Variants in ABCA10 observed in about 807,000 individuals in gnomAD.
ABCA10 encodes ATP-binding cassette sub-family A member 10.
A neutral mutation model predicts 187.5 loss-of-function variants in ABCA10; 169 were observed. The ratio of observed to expected loss-of-function variants is 0.90; its 90% CI spans 0.80 to 1.02. The LOEUF is 1.02. Ranked by LOEUF, ABCA10 falls within the 50% of genes least tolerant of loss-of-function variation. The pLI, the probability that ABCA10 is intolerant of heterozygous loss-of-function variation, is 0.00. For synonymous variants in ABCA10, 574 were observed against 601.8 expected (o/e 0.95, Z 0.68); for missense variants, 1,727 against 1,812.4 (o/e 0.95, Z 0.86).
At chr17:69,149,312 C>G (rs2074110836) in intron 37 of ABCA10, 1 of 517,312 alleles carries the variant, frequency 1.9e-6, no homozygotes, top group Non-Finnish European at 3.4e-6. Flanking sequence ...CTCCTTGTGT[C>G]CTATTTTAGT....
intron 10 of ABCA10, among the ~76,000 whole-genome samples, chr17:69,200,445 A>G (rs1248498769): frequency 6.6e-6 from 1 of 152,226 alleles, no homozygotes; most frequent in Non-Finnish European, 1.5e-5. Context: ...AGATAACTTC[A>G]CACAAATAGA....
chr17:69,179,794 T>C (rs1211703594), intron 22 of ABCA10, among the ~76,000 whole-genome samples: 2 of 152,172 alleles, frequency 1.3e-5, no homozygotes, highest in Non-Finnish European at 2.9e-5. Context: ...AAACCCCAAA[T>C]ACCATCTTTC....
intron 21 of ABCA10, 110 bp downstream of exon 21, chr17:69,182,565 T>C: frequency 1.5e-6 from 2 of 1,328,736 alleles, no homozygotes; most frequent in Non-Finnish European, 2.0e-6. Flanking sequence ...TCCTCTAATA[T>C]GATGCCAATT....
chr17:69,156,615 C>T (rs1329119821), intron 28 of ABCA10, among the ~76,000 whole-genome samples: 1 of 151,950 alleles, frequency 6.6e-6, no homozygotes, highest in Non-Finnish European at 1.5e-5. Flanking sequence ...AGCAATATAG[C>T]AAGATCCTGT....
chr17:69,154,147 T>A (rs1278294081), intron 31 of ABCA10, 88 bp downstream of exon 31: 1 of 1,445,606 alleles, frequency 6.9e-7, no homozygotes, highest in African/African-American at 1.5e-5. Context: ...TTTCATCTAT[T>A]TTTTAAAAAG....
At position 69,153,852 on chromosome 17, in the gene ABCA10, T is replaced by G. The variant is rs2074150799; in HGVS notation, c.3944A>C (p.Asp1315Ala). The G allele has an allele frequency of 5.6e-6, 9 of 1,613,532 alleles. No individual in the cohort carries two copies. The highest frequency in any genetic ancestry group is 7.6e-6 in the Non-Finnish European group (9 of 1,179,804). Residue 1315 changes from aspartate (D) to alanine (A), a missense_variant, in exon 32 of 39, where the codon GAT (aspartate) becomes GCT (alanine). Transcript: ENST00000690296. ...YAAVKGLGKE[D>A]AALSISRLVE... ...GTACCGTGAAATACTGAGAGCAGCA[T>G]CTTCTTTGCCCAGTCCTTTCACAGC...
intron 20 of ABCA10, among the ~76,000 whole-genome samples, chr17:69,183,155 T>C (rs2074393407): frequency 6.6e-6 from 1 of 152,200 alleles, no homozygotes; most frequent in African/African-American, 2.4e-5. Flanking sequence ...CCCTGTAATA[T>C]TTGTAATTAT....
intron 23 of ABCA10, 33 bp downstream of exon 23, chr17:69,175,373 A>G (rs927128546): frequency 2.0e-5 from 31 of 1,561,540 alleles, no homozygotes; most frequent in Non-Finnish European, 2.4e-5. Context: ...AATAAAATCA[A>G]TCTCAATCTA....
chr17:69,223,646 C>A, intron 3 of ABCA10: 1 of 445,398 alleles, frequency 2.2e-6, no homozygotes, highest in Admixed American at 2.5e-5. Context: ...ACTCCTCATC[C>A]TTCCCAATAT....
chr17:69,208,377 A>T (rs2074607783), intron 9 of ABCA10, among the ~76,000 whole-genome samples: 1 of 144,248 alleles, frequency 6.9e-6, no homozygotes, highest in Non-Finnish European at 1.5e-5. Context: ...AGATCGCGCC[A>T]CTGCACTCCA....
upstream of ABCA10, among the ~76,000 whole-genome samples, chr17:69,232,355 T>C (rs866729479): frequency 6.6e-6 from 1 of 152,090 alleles, no homozygotes; most frequent in South Asian, 2.1e-4. Flanking sequence ...TTTTCTCTAG[T>C]AGTGTTTTGA....
At chr17:69,163,089 G>A (rs986503283) in intron 27 of ABCA10, among the ~76,000 whole-genome samples, 33 of 152,150 alleles carry the variant, frequency 2.2e-4, no homozygotes, top group Middle Eastern at 3.4e-3. Flanking sequence ...CACCCACCTC[G>A]GCTTCCCAAA....
intron 18 of ABCA10, among the ~76,000 whole-genome samples, chr17:69,188,210 T>A (rs2074436489): frequency 6.6e-6 from 1 of 152,098 alleles, no homozygotes; most frequent in African/African-American, 2.4e-5. Context: ...GTAGCTGAGT[T>A]TCCAACAGGC....
chr17:69,185,272 CA>C (rs2074412468), intron 20 of ABCA10, among the ~76,000 whole-genome samples: 1 of 152,052 alleles, frequency 6.6e-6, no homozygotes, highest in Admixed American at 6.6e-5. Context: ...AACCAAACAC[CA>C]CCTGTTTTCC....
intron 9 of ABCA10, among the ~76,000 whole-genome samples, chr17:69,206,536 C>T (rs569469616): frequency 2.0e-5 from 3 of 152,312 alleles, no homozygotes; most frequent in Admixed American, 6.5e-5. Context: ...GCCACCCCTT[C>T]CCAACCTGTC....
chr17:69,210,302 G>A (rs1365279837), intron 9 of ABCA10, among the ~76,000 whole-genome samples: 29 of 146,760 alleles, frequency 2.0e-4, no homozygotes, highest in Non-Finnish European at 2.5e-4. Context: ...CCATTCTCCT[G>A]CCTCAGCCTC....
At chr17:69,164,014 G>T in intron 27 of ABCA10, 60 bp downstream of exon 27, 2 of 1,342,440 alleles carry the variant, frequency 1.5e-6, no homozygotes, top group Non-Finnish European at 1.0e-6. Flanking sequence ...CCTTGAATAA[G>T]ATTTCACGGG....
At chr17:69,192,205 T>C (rs946652352) in intron 16 of ABCA10, among the ~76,000 whole-genome samples, 4 of 152,114 alleles carry the variant, frequency 2.6e-5, no homozygotes, top group Non-Finnish European at 5.9e-5. Context: ...ATGCCTGTAA[T>C]CCCAGCTATT....
chr17:69,159,779 C>T (rs1459119335), intron 27 of ABCA10, among the ~76,000 whole-genome samples: 2 of 151,954 alleles, frequency 1.3e-5, no homozygotes, highest in East Asian at 3.8e-4. Flanking sequence ...ATAAATAAAT[C>T]AGCTATAAAA....
Sources: allele counts gnomAD v4.1 joint callset (sites outside exome capture counted in the v4.1 genomes callset), GRCh38; gene constraint gnomAD v4.1.1; transcripts MANE v1.5; gene names NCBI Gene and HGNC (gene_info 2026-07-23, HGNC 2026-07-21).